Variants in PPM1D observed in about 807,000 individuals in gnomAD.
PPM1D encodes the protein protein phosphatase 1D.
Under a neutral mutation model 58.3 loss-of-function variants are expected in PPM1D, and 52 were observed. That is an observed-to-expected ratio of 0.89 (90% CI 0.71 to 1.12). PPM1D has a LOEUF of 1.12. Ranked by LOEUF, PPM1D falls within the 50% of genes most tolerant of loss-of-function variation. The probability of loss-of-function intolerance (pLI) is 0.00; values close to 1 mark genes in which losing one functional copy is unlikely to be tolerated. For missense variants in PPM1D, 564 were observed against 777.2 expected (o/e 0.73, Z 3.26); for synonymous variants, 278 against 285.1 (o/e 0.98, Z 0.25).
rs1555643763 is a variant in PPM1D at position 60,602,797 on chromosome 17, A to AAAAC, written c.472+1914_472+1915insCAAA. On this transcript the variant is annotated intron_variant, in intron 1 of 5. Coordinates refer to ENST00000305921, the MANE Select transcript of PPM1D (RefSeq NM_003620.4). ...AAAGCTTGAAAAAAAAAAAAAAAAA[A>AAAAC]AAAGTATGCTAATTATTTTGGGAGT... 2.7e-3 allele frequency among the ~76,000 whole-genome samples: 401 copies of AAAAC among 149,466 alleles called. 10 individuals carry two copies. In the South Asian group the frequency reaches 0.031, roughly 11 times the overall value.
At chr17:60,622,932 A>G (rs921365219) in intron 1 of PPM1D, among the ~76,000 whole-genome samples, 1 of 152,200 alleles carries the variant, frequency 6.6e-6, no homozygotes, top group Non-Finnish European at 1.5e-5. Context: ...CCCCATCTCT[A>G]CTAAAAATAC....
At chr17:60,613,666 G>A (rs2030508729) in intron 1 of PPM1D, among the ~76,000 whole-genome samples, 1 of 152,230 alleles carries the variant, frequency 6.6e-6, no homozygotes, top group African/African-American at 2.4e-5. Context: ...GGGCCAGCGC[G>A]AGTTCCAGGT....
chr17:60,604,761 G>C (rs2030294028), intron 1 of PPM1D: 1 of 152,172 alleles, frequency 6.6e-6, no homozygotes, highest in Non-Finnish European at 1.5e-5. Flanking sequence ...AGGTATTCAT[G>C]GGTTGGGATT....
intron 3 of PPM1D, among the ~76,000 whole-genome samples, chr17:60,636,572 C>T (rs1177737048): frequency 6.6e-6 from 1 of 152,094 alleles, no homozygotes; most frequent in Non-Finnish European, 1.5e-5. Flanking sequence ...AGAGGAGGGT[C>T]TCGCTAAGAT....
At chr17:60,610,680 A>C (rs2143629971) in intron 1 of PPM1D, among the ~76,000 whole-genome samples, 1 of 152,320 alleles carries the variant, frequency 6.6e-6, no homozygotes, top group East Asian at 1.9e-4. Context: ...CTGCTTTCAC[A>C]CTTCAACAGC....
At chr17:60,644,507 A>G (rs887252533) in intron 3 of PPM1D, among the ~76,000 whole-genome samples, 1 of 152,198 alleles carries the variant, frequency 6.6e-6, no homozygotes, top group Non-Finnish European at 1.5e-5. Flanking sequence ...ATTTGAACAT[A>G]AACTTTATAT....
At chr17:60,616,220 G>A (rs147341370) in intron 1 of PPM1D, among the ~76,000 whole-genome samples, 6 of 151,322 alleles carry the variant, frequency 4.0e-5, no homozygotes, top group African/African-American at 7.3e-5. Flanking sequence ...CCTGGGTGGC[G>A]GAGGTTGCAG....
intron 4 of PPM1D, among the ~76,000 whole-genome samples, chr17:60,649,920 T>G (rs1423725173): frequency 6.6e-6 from 1 of 152,204 alleles, no homozygotes; most frequent in Non-Finnish European, 1.5e-5. Flanking sequence ...AGTTGGAGAT[T>G]ATCATGTATC....
At chr17:60,651,701 G>T (rs991203408) in intron 4 of PPM1D, among the ~76,000 whole-genome samples, 1 of 152,090 alleles carries the variant, frequency 6.6e-6, no homozygotes, top group Admixed American at 6.6e-5. Flanking sequence ...AAGCCACCAC[G>T]CCCAGCCGAC....
intron 5 of PPM1D, among the ~76,000 whole-genome samples, chr17:60,658,540 T>TG (rs1028878077): frequency 6.7e-6 from 1 of 150,300 alleles, no homozygotes; most frequent in Admixed American, 6.7e-5. Context: ...CCCAGGTACT[T>TG]GGGAGGCTGA....
intron 3 of PPM1D, among the ~76,000 whole-genome samples, chr17:60,637,415 T>C (rs545438535): frequency 6.6e-6 from 1 of 152,160 alleles, no homozygotes; most frequent in African/African-American, 2.4e-5. Flanking sequence ...TCCTACTCAG[T>C]ATTTTTAACT....
At chr17:60,648,240 C>A (rs2031282788) in intron 4 of PPM1D, among the ~76,000 whole-genome samples, 158 bp downstream of exon 4, 1 of 152,094 alleles carries the variant, frequency 6.6e-6, no homozygotes, top group South Asian at 2.1e-4. Context: ...AGCTCCTAAT[C>A]ATTAGAGGAA....
intron 3 of PPM1D, among the ~76,000 whole-genome samples, chr17:60,645,143 C>T (rs1386924252): frequency 2.0e-5 from 3 of 152,112 alleles, no homozygotes; most frequent in African/African-American, 7.2e-5. Flanking sequence ...CACCTGAGGT[C>T]AGGAGTTCCA....
intron 4 of PPM1D, among the ~76,000 whole-genome samples, chr17:60,652,782 A>G (rs1433485589): frequency 2.6e-5 from 4 of 151,788 alleles, no homozygotes; most frequent in South Asian, 2.1e-4. Flanking sequence ...ATTTTTTCAT[A>G]TATCTGTTAA....
At position 60,600,236 on chromosome 17, in the gene PPM1D, C is replaced by T. The variant is rs2030169058; in HGVS notation, c.-179C>T. 2 of 1,276,616 alleles carry T rather than the reference C, an allele frequency of 1.6e-6. No homozygotes were observed. Among genetic ancestry groups the T allele is most frequent in the Non-Finnish European group, 2.1e-6 (2 of 961,400 alleles). The allele number at this position is 1,276,616 out of a possible 1,614,324, so 79.1% of individuals were successfully genotyped here. A position where few individuals can be genotyped will look rare whatever the true frequency, so the allele number is the denominator to read the frequency against. Reference sequence around the variant, plus strand: ...CCTGGCTCTGCTCGCTCCGGCGCTCCGGCCCAGCTCTCGCGGACAAGTCCA... The same window carrying T: ...CCTGGCTCTGCTCGCTCCGGCGCTCTGGCCCAGCTCTCGCGGACAAGTCCA... On this transcript the variant is annotated 5_prime_UTR_variant, in exon 1 of 6. Coordinates refer to ENST00000305921, the MANE Select transcript of PPM1D (RefSeq NM_003620.4).
intron 1 of PPM1D, among the ~76,000 whole-genome samples, chr17:60,607,090 A>C (rs1425296661): frequency 6.6e-6 from 1 of 151,718 alleles, no homozygotes; most frequent in Non-Finnish European, 1.5e-5. Flanking sequence ...TTGGCCTCCC[A>C]AAATGCTGTT....
rs763192608 is a variant in PPM1D, at chr17:60,663,111, G to C, written c.1377G>C (p.Glu459Asp). 2 of 1,614,176 alleles carry C rather than the reference G, an allele frequency of 1.2e-6. No individual in the cohort carries two copies. The highest frequency in any genetic ancestry group is 1.7e-6 in the Non-Finnish European group (2 of 1,180,018). The part of the protein sequence containing the change: ...FLEVSAEIAR[E>D]NVQGVVIPSK... ...AGGTTTCAGCTGAGATAGCTCGAGA[G>C]AATGTCCAAGGTGTAGTCATACCCT... The change falls in exon 6 of 6, where the codon GAG (glutamate) becomes GAC (aspartate). Residue 459 changes from glutamate (E) to aspartate (D), a missense_variant. Glu to Asp is a conservative substitution (Grantham distance 45, BLOSUM62 2). Transcript: ENST00000305921.
chr17:60,651,401 G>GT (rs1218606024), intron 4 of PPM1D, among the ~76,000 whole-genome samples: 3,692 of 139,042 alleles, frequency 0.027, 136 homozygotes, highest in African/African-American at 0.073. Context: ...AGTGTTTTTG[G>GT]TTTTTTTTTT....
At chr17:60,662,107 C>T (rs1249914996) in intron 5 of PPM1D, among the ~76,000 whole-genome samples, 1 of 152,204 alleles carries the variant, frequency 6.6e-6, no homozygotes, top group Non-Finnish European at 1.5e-5. Flanking sequence ...AGCAGTTCTC[C>T]TGTCTCAGCC....
Sources: allele counts gnomAD v4.1 joint callset (sites outside exome capture counted in the v4.1 genomes callset), GRCh38; gene constraint gnomAD v4.1.1; transcripts MANE v1.5; gene names NCBI Gene and HGNC (gene_info 2026-07-23, HGNC 2026-07-21).